GLT1D1: variants seen among roughly 807,000 people sequenced by gnomAD.
GLT1D1 encodes glycosyltransferase 1 domain containing 1.
A neutral mutation model predicts 28.7 loss-of-function variants in GLT1D1; 21 were observed. The observed-to-expected ratio is 0.73, with a 90% CI of 0.52 to 1.05. The LOEUF (loss-of-function observed/expected upper bound fraction) is 1.05, where lower values mean the gene tolerates loss of function less well. Ranked by LOEUF, GLT1D1 falls within the 50% of genes least tolerant of loss-of-function variation. The pLI is 0.00. For missense variants in GLT1D1, 343 were observed against 330.6 expected, an observed-to-expected ratio of 1.04 and a Z score of -0.29; for synonymous variants, 147 against 124.8, an observed-to-expected ratio of 1.18 and a Z score of -1.19.
Position 128,874,118 on chromosome 12 carries a change from C to CCCTT in GLT1D1, c.69-1796_69-1795insCCTT, listed in dbSNP as rs1566091355. The stretch of plus-strand genomic sequence containing the variant: ...TTTCTTTCTCTCTCTCTCTCTCTCT[C>CCCTT]TCTCTCTCTTTCTTTCTTTCTTTCT... On this transcript the variant is annotated intron_variant, in intron 1 of 7. Transcript: ENST00000281703. Among the ~76,000 whole-genome samples the CCCTT allele has an allele frequency of 1.2e-3, 79 of 64,056 alleles. 2 individuals carry two copies. Among genetic ancestry groups the CCCTT allele is most frequent in the African/African-American group, 4.9e-3 (73 of 14,906 alleles). 42.0% of individuals were successfully genotyped at this position (64,056 alleles called of 152,430 possible).
chr12:128,953,314 A>G (rs1269077778), intron 6 of GLT1D1, among the ~76,000 whole-genome samples: 1 of 152,046 alleles, frequency 6.6e-6, no homozygotes, highest in Non-Finnish European at 1.5e-5. Context: ...GTTTCCATTG[A>G]AGCTCAAAAG....
chr12:128,880,727 T>G (rs1309256300), intron 2 of GLT1D1, among the ~76,000 whole-genome samples: 1 of 152,232 alleles, frequency 6.6e-6, no homozygotes, highest in Non-Finnish European at 1.5e-5. Flanking sequence ...AATATATAGT[T>G]CTTATTGATT....
At chr12:128,867,218 A>G (rs141330010) in intron 1 of GLT1D1, among the ~76,000 whole-genome samples, 2,391 of 150,352 alleles carry the variant, frequency 0.016, 154 homozygotes, top group East Asian at 0.11. Flanking sequence ...ACATGGTGAA[A>G]CCCCGTCTCT....
Position 128,924,661 on chromosome 12 carries a change from T to C in GLT1D1, c.376-20665T>C, listed in dbSNP as rs1341018533. ...TGGTAGAGATGGGGTTTCACCATCTTGGCCTGGCTGATGTTGAACTCCTGA... is the reference window on the plus strand; with the variant it reads ...TGGTAGAGATGGGGTTTCACCATCTCGGCCTGGCTGATGTTGAACTCCTGA... On this transcript the variant is annotated intron_variant, in intron 4 of 7. Transcript: ENST00000281703. Among the ~76,000 whole-genome samples the C allele has an allele frequency of 1.3e-5, 2 of 152,012 alleles. 1 individual carries two copies. Among genetic ancestry groups the C allele is most frequent in the Non-Finnish European group, 2.9e-5 (2 of 68,006 alleles).
intron 6 of GLT1D1, among the ~76,000 whole-genome samples, chr12:128,956,012 A>G (rs1468202217): frequency 6.6e-6 from 1 of 151,614 alleles, no homozygotes; most frequent in Non-Finnish European, 1.5e-5. Flanking sequence ...ACAAAAAATT[A>G]GCCGGGCGTG....
At chr12:128,908,346 C>CTTTCTTTCTTTCTTTCTTTG in intron 4 of GLT1D1, among the ~76,000 whole-genome samples, 1 of 116,862 alleles carries the variant, frequency 8.6e-6, no homozygotes, top group South Asian at 2.9e-4. Context: ...TTCTTTCTTT[C>CTTTCTTTCTTTCTTTCTTTG]CCTTTCTTTC....
chr12:128,958,830 C>CTTTT lies in GLT1D1; in HGVS notation c.639+1207_639+1210dup, dbSNP rs71072432. 4.8e-3 allele frequency among the ~76,000 whole-genome samples: 405 copies of CTTTT among 83,842 alleles called. 42 individuals carry two copies. Among genetic ancestry groups the CTTTT allele is most frequent in the South Asian group, 9.7e-3 (20 of 2,056 alleles). The allele number at this position is 83,842 out of a possible 152,430, so 55.0% of individuals were successfully genotyped here. ...TTGTTAGGCAGTAGTAAATAAAAAT[C>CTTTT]TTTTTTTTTTTTTTTTTTTTTTTAT... On this transcript the variant is annotated intron_variant, in intron 7 of 7. Transcript: ENST00000281703.
intron 1 of GLT1D1, chr12:128,864,198 A>C: frequency 1.5e-6 from 1 of 671,870 alleles, no homozygotes; most frequent in Non-Finnish European, 2.7e-6. Flanking sequence ...TTGTTGAATT[A>C]GGGCAGTTGC....
intron 7 of GLT1D1, among the ~76,000 whole-genome samples, chr12:128,969,250 C>T (rs917949905): frequency 2.0e-5 from 3 of 151,576 alleles, no homozygotes; most frequent in African/African-American, 4.9e-5. Flanking sequence ...TCTGTTTCTA[C>T]CTCTATCTCA....
chr12:128,887,536 AAAAG>A (rs1868543657), intron 2 of GLT1D1, among the ~76,000 whole-genome samples: 2 of 151,818 alleles, frequency 1.3e-5, no homozygotes, highest in Non-Finnish European at 2.9e-5. Flanking sequence ...GCTCCAAAAA[AAAAG>A]AGTTGGTCTT....
Position 128,939,849 on chromosome 12 carries a change from C to CT in GLT1D1, c.376-5477_376-5476insT, listed in dbSNP as rs1360168302. ...CAAATTGTTAGAAACCCCCCCCCACCGCCGATCCAATCACCTCCTACCAGG... is the reference window on the plus strand; with the variant it reads ...CAAATTGTTAGAAACCCCCCCCCACCTGCCGATCCAATCACCTCCTACCAGG... On this transcript the variant is annotated intron_variant, in intron 4 of 7. Coordinates refer to ENST00000281703, the MANE Select transcript of GLT1D1 (RefSeq NM_144669.3). 9.3e-5 allele frequency among the ~76,000 whole-genome samples: 13 copies of CT among 140,322 alleles called. 1 individual carries two copies. The highest frequency in any genetic ancestry group is 6.1e-4 in the East Asian group (3 of 4,932). The allele number at this position is 140,322 out of a possible 152,430, so 92.1% of individuals were successfully genotyped here.
At chr12:128,903,558 T>G (rs745433998) in intron 4 of GLT1D1, among the ~76,000 whole-genome samples, 84 of 151,598 alleles carry the variant, frequency 5.5e-4, no homozygotes, top group Non-Finnish European at 9.3e-4. Context: ...TATAACATGT[T>G]TTACTTTCTT....
At chr12:128,941,856 GGCATGAGCCACCA>G (rs952131919) in intron 4 of GLT1D1, among the ~76,000 whole-genome samples, 103 of 147,520 alleles carry the variant, frequency 7.0e-4, no homozygotes, top group African/African-American at 2.5e-3. Context: ...TGGGATTCCA[GGCATGAGCCACCA>G]GCATGAGCCA....
At chr12:128,892,949 G>A (rs978076407) in intron 3 of GLT1D1, among the ~76,000 whole-genome samples, 4 of 152,022 alleles carry the variant, frequency 2.6e-5, no homozygotes, top group African/African-American at 9.7e-5. Context: ...GTACATATTA[G>A]AAGAAAATAT....
At chr12:128,945,221 G>C in intron 4 of GLT1D1, 105 bp from the exon 9 acceptor site, 1 of 1,179,510 alleles carries the variant, frequency 8.5e-7, no homozygotes, top group South Asian at 1.2e-5. Flanking sequence ...GCAGACCGAG[G>C]CCCACGCCGC....
chr12:128,899,555 T>C (rs2135853420), intron 4 of GLT1D1, among the ~76,000 whole-genome samples: 1 of 149,776 alleles, frequency 6.7e-6, no homozygotes, highest in African/African-American at 2.4e-5. Context: ...TGTTTTTTTT[T>C]TTTTTTTTTT....
intron 4 of GLT1D1, among the ~76,000 whole-genome samples, chr12:128,929,584 A>G (rs1873650991): frequency 1.3e-5 from 2 of 152,232 alleles, no homozygotes; most frequent in Non-Finnish European, 2.9e-5. Context: ...AAAAAGCATG[A>G]CATGGGAGTT....
At chr12:128,913,344 C>A (rs527544758) in intron 4 of GLT1D1, among the ~76,000 whole-genome samples, 1 of 152,114 alleles carries the variant, frequency 6.6e-6, no homozygotes, top group Non-Finnish European at 1.5e-5. Flanking sequence ...CTCAGCCTCC[C>A]GAGTAGCTGG....
chr12:128,945,164 C>CT (rs1444479490), intron 4 of GLT1D1, 162 bp from the exon 9 acceptor site: 3 of 770,888 alleles, frequency 3.9e-6, no homozygotes, highest in Non-Finnish European at 7.0e-6. Flanking sequence ...GAGCCGGGGG[C>CT]CCCCATGATC....
Sources: allele counts gnomAD v4.1 joint callset (sites outside exome capture counted in the v4.1 genomes callset), GRCh38; gene constraint gnomAD v4.1.1; transcripts MANE v1.5; gene names NCBI Gene and HGNC (gene_info 2026-07-23, HGNC 2026-07-21).